Variants in MCM3AP observed in about 807,000 individuals in gnomAD.
MCM3AP encodes the protein minichromosome maintenance complex component 3 associated protein, also known as germinal-center associated nuclear protein.
In MCM3AP, 126 loss-of-function variants were observed where a neutral mutation model predicts 184.1. That is an observed-to-expected ratio of 0.68 (90% CI 0.59 to 0.79). The LOEUF (loss-of-function observed/expected upper bound fraction) is 0.79, where lower values mean the gene tolerates loss of function less well. Among genes scored for constraint, MCM3AP ranks in the 30% least tolerant of loss-of-function variants. The pLI, the probability that MCM3AP is intolerant of heterozygous loss-of-function variation, is 0.00. For missense variants in MCM3AP, 2,496 were observed against 2,479.2 expected, an observed-to-expected ratio of 1.01 and a Z score of -0.14; for synonymous variants, 1,002 against 979.3, an observed-to-expected ratio of 1.02 and a Z score of -0.43.
chr21:46,237,604 T>C lies in MCM3AP; in HGVS notation c.5634-625A>G, dbSNP rs1205064821. Reference sequence around the variant, plus strand: ...GTAGAAACGGGATTTTGCTGTATTGTCAGGCTAGTCTACAACTCCTGAACT... The same window carrying C: ...GTAGAAACGGGATTTTGCTGTATTGCCAGGCTAGTCTACAACTCCTGAACT... On this transcript the variant is annotated intron_variant, in intron 26 of 27. Coordinates refer to ENST00000291688, the MANE Select transcript of MCM3AP (RefSeq NM_003906.5). Among the ~76,000 whole-genome samples the C allele has an allele frequency of 4.5e-5, 5 of 110,970 alleles. 1 individual carries two copies. The highest frequency in any genetic ancestry group is 9.3e-5 in the Non-Finnish European group (5 of 54,026). The allele number at this position is 110,970 out of a possible 152,430, so 72.8% of individuals were successfully genotyped here.
At chr21:46,282,600 C>T (rs1439501673) in intron 2 of MCM3AP, among the ~76,000 whole-genome samples, 1 of 151,918 alleles carries the variant, frequency 6.6e-6, no homozygotes, top group African/African-American at 2.4e-5. Context: ...GTCAGGAGAT[C>T]GAGACCATCC....
chr21:46,272,655 G>A lies in MCM3AP; in HGVS notation c.2371C>T (p.Gln791Ter), dbSNP rs769646133. Residue 791 changes from glutamine to a stop codon, truncating the protein, a stop_gained, in exon 8 of 28, where the codon CAG (glutamine) becomes TAG (stop). Transcript: ENST00000291688. LOFTEE classifies it high-confidence loss of function. ...KCLQSLKEMY[Q>*]DLRNKGVFCA... is the part of the protein sequence containing the mutation. ...AAGACACCCTTGTTTCTCAGGTCCT[G>A]GTACATCTCCTTCAGGCTCTGCAGG... 6 of 1,614,174 alleles carry A rather than the reference G, an allele frequency of 3.7e-6. No homozygotes were observed. The highest frequency in any genetic ancestry group is 4.2e-6 in the Non-Finnish European group (5 of 1,180,032).
chr21:46,254,869 T>G, intron 17 of MCM3AP, 25 bp from the exon 18 acceptor site: 3 of 1,593,124 alleles, frequency 1.9e-6, no homozygotes, highest in Non-Finnish European at 2.6e-6. Flanking sequence ...AGAATGACAG[T>G]GTCCCCGCAG....
Position 46,285,516 on chromosome 21 carries a change from T to G in MCM3AP, c.-230A>C, listed in dbSNP as rs2081404576. ...AAAGGCAGGCAAAGGGTTATTATTT[T>G]CTGAGAGCCGATAGGTTATTTTGTT... On this transcript the variant is annotated 5_prime_UTR_variant, in exon 1 of 28. Transcript: ENST00000291688. The G allele has an allele frequency of 1.9e-6, 1 of 525,520 alleles. No homozygotes were observed. The highest frequency in any genetic ancestry group is 3.4e-6 in the Non-Finnish European group (1 of 297,930). 32.6% of individuals were successfully genotyped at this position (525,520 alleles called of 1,614,324 possible).
intron 22 of MCM3AP, among the ~76,000 whole-genome samples, chr21:46,245,613 T>G (rs1261164837): frequency 6.6e-6 from 1 of 152,206 alleles, no homozygotes; most frequent in Non-Finnish European, 1.5e-5. Context: ...CTATAGTTAT[T>G]TTAATTCCTG....
chr21:46,255,676 GA>G (rs1305765929), intron 17 of MCM3AP, among the ~76,000 whole-genome samples: 1 of 152,056 alleles, frequency 6.6e-6, no homozygotes, highest in Non-Finnish European at 1.5e-5. Context: ...GGAACTCAGG[GA>G]AGAGGCCTCA....
chr21:46,235,634 T>C (rs1179046421), intron 27 of MCM3AP, among the ~76,000 whole-genome samples: 1 of 152,210 alleles, frequency 6.6e-6, no homozygotes, highest in East Asian at 1.9e-4. Context: ...ACTGTTTGCC[T>C]TTGTATTCTA....
intron 19 of MCM3AP, 115 bp from the exon 20 acceptor site, chr21:46,251,797 TCCACAAATACC>T (rs1219178916): frequency 7.0e-6 from 4 of 575,366 alleles, no homozygotes; most frequent in South Asian, 2.3e-5. Flanking sequence ...CAGACCTAGG[TCCACAAATACC>T]ACATCTTACT....
At chr21:46,273,727 CTG>C in intron 6 of MCM3AP, 142 bp from the exon 7 acceptor site, 1 of 659,742 alleles carries the variant, frequency 1.5e-6, no homozygotes, top group Non-Finnish European at 2.5e-6. Flanking sequence ...CATAAAATTT[CTG>C]TTAAAAGGTG....
rs145992474 is a variant in MCM3AP, at chr21:46,283,995, G to T, written c.1219+73C>A. Reference sequence around the variant, plus strand: ...ATGGGAGATTTATCTGAAAAATCAAGCTAACACCCAGAGAAACGTATTGAA... The same window carrying T: ...ATGGGAGATTTATCTGAAAAATCAATCTAACACCCAGAGAAACGTATTGAA... On this transcript the variant is annotated intron_variant, in intron 1 of 27. Transcript: ENST00000291688. The T allele has an allele frequency of 3.2e-6, 5 of 1,553,950 alleles. No homozygotes were observed. In the African/African-American group the frequency reaches 5.5e-5, roughly 17 times the overall value.
In MCM3AP at chr21:46,239,388, G is replaced by A. The variant is rs79823787; in HGVS notation, c.5633+1423C>T. Among the ~76,000 whole-genome samples, 457 of 152,324 alleles carry A rather than the reference G, an allele frequency of 3.0e-3. 1 individual carries two copies. Among genetic ancestry groups the A allele is most frequent in the African/African-American group, 9.9e-3 (411 of 41,584 alleles). The stretch of plus-strand genomic sequence containing the variant: ...GGAAGATGATAGTGGCTTGAGCCAC[G>A]TGGTGGCCATGGAAGTCATAACAAG... On this transcript the variant is annotated intron_variant, in intron 26 of 27. Coordinates refer to ENST00000291688, the MANE Select transcript of MCM3AP (RefSeq NM_003906.5).
At chr21:46,261,141 G>T in intron 14 of MCM3AP, 139 bp downstream of exon 14, 1 of 1,135,050 alleles carries the variant, frequency 8.8e-7, no homozygotes, top group Non-Finnish European at 1.3e-6. Flanking sequence ...CTGGGCTGAA[G>T]CATAGGAGGG....
At position 46,283,824 on chromosome 21, in the gene MCM3AP, T is replaced by A; in HGVS notation, c.1234A>T (p.Thr412Ser). 1.2e-6 allele frequency: 2 copies of A among 1,613,012 alleles called. No homozygotes were observed. Among genetic ancestry groups the A allele is most frequent in the Non-Finnish European group, 1.7e-6 (2 of 1,179,830 alleles). Residue 412 changes from threonine to serine, a missense_variant, in exon 2 of 28, where the codon ACT becomes TCT. Thr to Ser is a moderately conservative substitution (Grantham distance 58). This residue lies in a region of MCM3AP where 800 missense variants were observed against 717.1 expected (regional missense o/e 1.12). Coordinates refer to ENST00000291688, the MANE Select transcript of MCM3AP (RefSeq NM_003906.5). Reference sequence around the variant, plus strand: ...CTTCTGTTACTCTGACGCGCCGGAGTTCCTCTTAGAGAATCTAGGGGTTCA... The same window carrying A: ...CTTCTGTTACTCTGACGCGCCGGAGATCCTCTTAGAGAATCTAGGGGTTCA... Reference protein sequence around the residue: ...REKKEDSLRGTPARQSNRSES... With the variant: ...REKKEDSLRGSPARQSNRSES...
chr21:46,258,149 A>G (rs1243622096), intron 16 of MCM3AP, among the ~76,000 whole-genome samples: 1 of 152,190 alleles, frequency 6.6e-6, no homozygotes, highest in African/African-American at 2.4e-5. Context: ...AAGGACAGAA[A>G]GTCTCTGGAT....
At chr21:46,264,635 C>T (rs1205584740) in intron 12 of MCM3AP, among the ~76,000 whole-genome samples, 2 of 152,188 alleles carry the variant, frequency 1.3e-5, no homozygotes, top group Non-Finnish European at 2.9e-5. Flanking sequence ...CATGCCCACC[C>T]TGAGGCCACA....
Position 46,241,015 on chromosome 21 carries a change from A to G in MCM3AP, c.5429T>C (p.Leu1810Ser), listed in dbSNP as rs1489487821. The G allele has an allele frequency of 1.4e-5, 23 of 1,607,812 alleles. No homozygotes were observed. The highest frequency in any genetic ancestry group is 2.0e-5 in the Non-Finnish European group (23 of 1,175,418). Reference protein sequence around the residue: ...QKELQLREGRLAIKPFHPSAN... With the variant: ...QKELQLREGRSAIKPFHPSAN... Reference sequence around the variant, plus strand: ...AGAAGGATGAAAAGGCTTTATTGCCAAACTGTAAGTACATGATTTGAAATG... The same window carrying G: ...AGAAGGATGAAAAGGCTTTATTGCCGAACTGTAAGTACATGATTTGAAATG... Residue 1810 changes from leucine (L) to serine (S), a missense_variant and splice_region_variant, in exon 26 of 28, where the codon TTG (leucine) becomes TCG (serine). Transcript: ENST00000291688.
At chr21:46,276,174 C>T (rs895442541) in intron 5 of MCM3AP, among the ~76,000 whole-genome samples, 2 of 151,914 alleles carry the variant, frequency 1.3e-5, no homozygotes, top group Admixed American at 1.3e-4. Context: ...ATCACTTGAA[C>T]CCGGGAGGCG....
intron 24 of MCM3AP, 33 bp downstream of exon 24, chr21:46,243,432 G>A (rs2080707697): frequency 6.4e-7 from 1 of 1,555,954 alleles, no homozygotes; most frequent in Non-Finnish European, 8.7e-7. Context: ...AGTCTCGTGA[G>A]GAGCTGATCC....
intron 8 of MCM3AP, among the ~76,000 whole-genome samples, chr21:46,271,640 C>T (rs2081181470): frequency 6.6e-6 from 1 of 151,930 alleles, no homozygotes; most frequent in Admixed American, 6.6e-5. Flanking sequence ...AGGTGGATCA[C>T]CTGAGGTCAG....
Sources: gnomAD v4.1 joint callset for allele counts (sites outside exome capture counted in the v4.1 genomes callset) on GRCh38, gnomAD v4.1.1 for gene constraint, gnomAD v4.1.1 regional missense constraint, MANE v1.5 for transcripts, NCBI Gene and HGNC (gene_info 2026-07-23, HGNC 2026-07-21) for gene names.